Variants in CASP9 observed in about 807,000 individuals in gnomAD.
The protein encoded by CASP9 is caspase-9.
A neutral mutation model predicts 43.5 loss-of-function variants in CASP9; 29 were observed. The observed-to-expected ratio is 0.67, with a 90% CI of 0.50 to 0.91. CASP9 has a LOEUF of 0.91. Among genes scored for constraint, CASP9 ranks in the 40% least tolerant of loss-of-function variants. The pLI is 0.00. For missense variants in CASP9, 575 were observed against 537.4 expected (o/e 1.07, Z -0.69); for synonymous variants, 206 against 211.9 (o/e 0.97, Z 0.24).
intron 6 of CASP9, among the ~76,000 whole-genome samples, chr1:15,499,918 C>A (rs1254518165): frequency 6.6e-6 from 1 of 152,090 alleles, no homozygotes; most frequent in African/African-American, 2.4e-5. Context: ...TCTAGACTCC[C>A]CAAAGGCAGT....
At chr1:15,496,133 T>C (rs1182969985) in intron 6 of CASP9, among the ~76,000 whole-genome samples, 1 of 137,688 alleles carries the variant, frequency 7.3e-6, no homozygotes, top group Non-Finnish European at 1.6e-5. Flanking sequence ...CTGTCTCAGA[T>C]TTTTGGGGTT....
chr1:15,509,345 C>CCAGG (rs1405799830), intron 2 of CASP9, among the ~76,000 whole-genome samples: 2 of 151,668 alleles, frequency 1.3e-5, no homozygotes, highest in African/African-American at 4.8e-5. Context: ...CTGCGTAAGG[C>CCAGG]CAGGTGCGGT....
intron 1 of CASP9, among the ~76,000 whole-genome samples, chr1:15,523,669 A>T (rs1570883001): frequency 1.3e-5 from 1 of 74,972 alleles, no homozygotes; most frequent in African/African-American, 6.5e-5. Context: ...AACAGACCTT[A>T]AAAAAAAAAG....
rs556004419 is a variant in CASP9 at position 15,494,798 on chromosome 1, G to A, written c.1048+475C>T. ...GAATGGTGTGAACCCGGGATGCAGAGCTTGCAGTGACCCAAGATCGCGCCA... is the reference window on the plus strand; with the variant it reads ...GAATGGTGTGAACCCGGGATGCAGAACTTGCAGTGACCCAAGATCGCGCCA... On this transcript the variant is annotated intron_variant, in intron 7 of 8. Coordinates refer to ENST00000333868, the MANE Select transcript of CASP9 (RefSeq NM_001229.5). 2.2e-5 allele frequency among the ~76,000 whole-genome samples: 3 copies of A among 139,510 alleles called. No individual in the cohort carries two copies. The South Asian group carries it at 6.8e-4, about 32-fold the overall frequency. The allele number at this position is 139,510 out of a possible 152,430, so 91.5% of individuals were successfully genotyped here.
rs1708912214 is a variant in CASP9 at position 15,492,091 on chromosome 1, G to A, written c.*852C>T. 1 of 152,152 alleles carries A rather than the reference G, an allele frequency of 6.6e-6. No individual in the cohort carries two copies. The highest frequency in any genetic ancestry group is 2.4e-5 in the African/African-American group (1 of 41,400). 9.4% of individuals were successfully genotyped at this position (152,152 alleles called of 1,614,324 possible). On this transcript the variant is annotated 3_prime_UTR_variant, in exon 9 of 9. Transcript: ENST00000333868. ...TGAATAAATGGGGCTGGGTGCAATG[G>A]TGCACGCCTGTAGTAAGAGCTACTT...
upstream of CASP9, chr1:15,524,480 C>G (rs1570885991): frequency 2.6e-6 from 2 of 759,874 alleles, no homozygotes; most frequent in South Asian, 2.3e-5. Flanking sequence ...GAACACGCTC[C>G]GCGTCACCGC....
At chr1:15,511,085 A>G (rs1484707194) in intron 2 of CASP9, among the ~76,000 whole-genome samples, 1 of 152,214 alleles carries the variant, frequency 6.6e-6, no homozygotes, top group East Asian at 1.9e-4. Flanking sequence ...ATCTGGCCAA[A>G]GCAATCCTCG....
intron 8 of CASP9, chr1:15,493,549 G>C (rs1323263994): frequency 7.1e-7 from 1 of 1,413,658 alleles, no homozygotes; most frequent in Non-Finnish European, 9.2e-7. Flanking sequence ...ATGCCCACAG[G>C]ATATAGGGAG....
At position 15,524,128 on chromosome 1, in the gene CASP9, G is replaced by C; in HGVS notation, c.73C>G (p.Leu25Val). The C allele has an allele frequency of 1.3e-6, 2 of 1,541,838 alleles. No homozygotes were observed. The highest frequency in any genetic ancestry group is 8.7e-7 in the Non-Finnish European group (1 of 1,148,246). Residue 25 changes from leucine to valine, a missense_variant, in exon 1 of 9, where the codon CTC (leucine) becomes GTC (valine). Physicochemically the swap from Leu to Val is conservative, Grantham distance 32. Coordinates refer to ENST00000333868, the MANE Select transcript of CASP9 (RefSeq NM_001229.5). The part of the protein sequence containing the change: ...RLVEELQVDQ[L>V]WDALLSRELF... Reference sequence around the variant, plus strand: ...TCGCGGCTCAGCAGGGCGTCCCAGAGCTGGTCCACCTGCAGCTCTTCCACC... The same window carrying C: ...TCGCGGCTCAGCAGGGCGTCCCAGACCTGGTCCACCTGCAGCTCTTCCACC...
intron 6 of CASP9, among the ~76,000 whole-genome samples, chr1:15,503,409 G>A (rs1336637366): frequency 6.6e-6 from 1 of 152,138 alleles, no homozygotes; most frequent in Non-Finnish European, 1.5e-5. Context: ...GCCCATCCAG[G>A]GTTAATCAAG....
chr1:15,512,843 C>A (rs1709809957), intron 2 of CASP9, among the ~76,000 whole-genome samples: 1 of 152,198 alleles, frequency 6.6e-6, no homozygotes, highest in Non-Finnish European at 1.5e-5. Context: ...CTCGGACTCA[C>A]TCCATCACTG....
chr1:15,506,819 C>G, intron 4 of CASP9, 80 bp downstream of exon 4: 25 of 1,258,176 alleles, frequency 2.0e-5, no homozygotes, highest in Non-Finnish European at 2.8e-5. Flanking sequence ...GGGGAGTCAG[C>G]TGGCTTTTGG....
chr1:15,523,092 G>A (rs1425489308), intron 1 of CASP9, among the ~76,000 whole-genome samples: 1 of 152,204 alleles, frequency 6.6e-6, no homozygotes, highest in African/African-American at 2.4e-5. Flanking sequence ...TGTGATGAGG[G>A]TCAAATGAGA....
chr1:15,495,638 C>T (rs561176700), intron 6 of CASP9, among the ~76,000 whole-genome samples, 186 bp from the exon 7 acceptor site: 3 of 152,134 alleles, frequency 2.0e-5, no homozygotes, highest in Admixed American at 6.5e-5. Context: ...CCTGCCTCCC[C>T]GTTTTGGTTC....
At chr1:15,523,768 T>C (rs551303286) in intron 1 of CASP9, among the ~76,000 whole-genome samples, 2 of 152,394 alleles carry the variant, frequency 1.3e-5, no homozygotes, top group Admixed American at 6.5e-5. Context: ...CGTTTTGTCA[T>C]TGCAACACTA....
At chr1:15,505,341 A>T (rs1709477455) in intron 5 of CASP9, among the ~76,000 whole-genome samples, 1 of 152,240 alleles carries the variant, frequency 6.6e-6, no homozygotes, top group African/African-American at 2.4e-5. Context: ...AGCCCTGCCC[A>T]GCCACAGGCT....
chr1:15,515,177 C>T (rs1570864779), intron 2 of CASP9, among the ~76,000 whole-genome samples: 1 of 152,172 alleles, frequency 6.6e-6, no homozygotes, highest in East Asian at 1.9e-4. Flanking sequence ...CTAAATGACT[C>T]ACGTTGACAT....
intron 2 of CASP9, among the ~76,000 whole-genome samples, chr1:15,511,345 G>A (rs1709744697): frequency 6.6e-6 from 1 of 151,974 alleles, no homozygotes; most frequent in African/African-American, 2.4e-5. Context: ...TTTGCCTGCT[G>A]GGCTCAAGTG....
chr1:15,510,497 A>T (rs1414060233), intron 2 of CASP9, among the ~76,000 whole-genome samples: 1 of 152,166 alleles, frequency 6.6e-6, no homozygotes, highest in Admixed American at 6.5e-5. Context: ...ATTCCGCTGT[A>T]CCCCAAAAAT....
Sources: gnomAD v4.1 joint callset for allele counts (sites outside exome capture counted in the v4.1 genomes callset) on GRCh38, gnomAD v4.1.1 for gene constraint, MANE v1.5 for transcripts, NCBI Gene and HGNC (gene_info 2026-07-23, HGNC 2026-07-21) for gene names.